ALDH2: variants seen among roughly 807,000 people sequenced by gnomAD.
ALDH2 encodes aldehyde dehydrogenase 2 family member, also known as aldehyde dehydrogenase, mitochondrial.
Under a neutral mutation model 59.6 loss-of-function variants are expected in ALDH2, and 44 were observed. That is an observed-to-expected ratio of 0.74 (90% CI 0.58 to 0.95). ALDH2 has a LOEUF of 0.95. ALDH2 is among the 40% of genes least tolerant of loss of function. ALDH2 has a pLI of 0.00. For synonymous variants in ALDH2, 291 were observed against 284.0 expected, an observed-to-expected ratio of 1.02 and a Z score of -0.25; for missense variants, 570 against 696.3, an observed-to-expected ratio of 0.82 and a Z score of 2.04.
Position 111,792,149 on chromosome 12 carries a change from T to C in ALDH2, c.884T>C (p.Met295Thr). The C allele has an allele frequency of 6.2e-7, 1 of 1,604,422 alleles. No individual in the cohort carries two copies. The highest frequency in any genetic ancestry group is 8.5e-7 in the Non-Finnish European group (1 of 1,177,524). ...GGGGGGAAGAGCCCCAACATCATCA[T>C]GTCAGATGCCGATAGTGAGTTTCCA... ...ELGGKSPNII[M>T]SDADMDWAVE... The change falls in exon 8 of 13, where the codon ATG becomes ACG. Residue 295 changes from methionine (M) to threonine (T), a missense_variant. Coordinates refer to ENST00000261733, the MANE Select transcript of ALDH2 (RefSeq NM_000690.4).
At position 111,813,783 on chromosome 12, in the gene ALDH2, T is replaced by C. The variant is rs1254580480; in HGVS notation, c.*4208T>C. On this transcript the variant is annotated 3_prime_UTR_variant, in exon 13 of 13. Transcript: ENST00000261733. ...CAGGCAAATCTATATAGAGAGAAGGTCGATTGCTGGGGGCCCTGGGAAGGG... is the reference window on the plus strand; with the variant it reads ...CAGGCAAATCTATATAGAGAGAAGGCCGATTGCTGGGGGCCCTGGGAAGGG... The C allele has an allele frequency of 1.3e-5, 2 of 152,048 alleles. No homozygotes were observed. Among genetic ancestry groups the C allele is most frequent in the East Asian group, 3.9e-4 (2 of 5,194 alleles). 9.4% of individuals were successfully genotyped at this position (152,048 alleles called of 1,614,324 possible).
chr12:111,802,680 A>G (rs1408872349), intron 11 of ALDH2, among the ~76,000 whole-genome samples: 1 of 151,274 alleles, frequency 6.6e-6, no homozygotes, highest in East Asian at 2.0e-4. Context: ...GAAGATCAAG[A>G]CCATCCTGGC....
At chr12:111,799,806 G>T in intron 10 of ALDH2, 100 bp from the exon 11 acceptor site, 1 of 1,388,002 alleles carries the variant, frequency 7.2e-7, no homozygotes, top group South Asian at 1.4e-5. Flanking sequence ...ATGGCTGGGG[G>T]CTTATCCCCC....
At chr12:111,787,702 C>G (rs968636350) in intron 4 of ALDH2, among the ~76,000 whole-genome samples, 3 of 152,036 alleles carry the variant, frequency 2.0e-5, no homozygotes, top group African/African-American at 7.2e-5. Context: ...TCGAGACCAG[C>G]CTGGCCAACA....
At chr12:111,773,432 T>C (rs2068215731) in intron 1 of ALDH2, among the ~76,000 whole-genome samples, 1 of 152,234 alleles carries the variant, frequency 6.6e-6, no homozygotes, top group African/African-American at 2.4e-5. Context: ...ATGTATTCCC[T>C]GCTCCAGTAA....
intron 11 of ALDH2, among the ~76,000 whole-genome samples, chr12:111,801,432 C>T (rs1040735969): frequency 6.6e-6 from 1 of 152,144 alleles, no homozygotes; most frequent in African/African-American, 2.4e-5. Context: ...GGTGCGGTGG[C>T]TCATGCCTGT....
intron 1 of ALDH2, among the ~76,000 whole-genome samples, chr12:111,774,150 A>T (rs557808902): frequency 6.6e-6 from 1 of 152,250 alleles, no homozygotes; most frequent in African/African-American, 2.4e-5. Flanking sequence ...GAAGTGGTGA[A>T]AAAAGGCCCT....
intron 4 of ALDH2, among the ~76,000 whole-genome samples, chr12:111,789,017 CTT>C (rs1224537015): frequency 8.8e-5 from 11 of 125,160 alleles, no homozygotes; most frequent in African/African-American, 1.5e-4. Context: ...TCTTTCTTTT[CTT>C]TTTTTTTTTT....
intron 5 of ALDH2, 86 bp downstream of exon 5, chr12:111,790,020 T>A: frequency 7.5e-7 from 1 of 1,326,322 alleles, no homozygotes; most frequent in East Asian, 2.4e-5. Flanking sequence ...TGGGGTGGTG[T>A]CGGAAGGCAG....
rs2068544806 is a variant in ALDH2, at chr12:111,812,808, G to GT, written c.*3234dup. On this transcript the variant is annotated 3_prime_UTR_variant, in exon 13 of 13. Transcript: ENST00000261733. ...TGGGAGGATCACTTGAGCCCAGGAG[G>GT]TCAAGGCTGCAGTGAGCTGTGATTG... 6.6e-6 allele frequency: 1 copy of GT among 152,264 alleles called. No individual in the cohort carries two copies. The highest frequency in any genetic ancestry group is 2.1e-4 in the South Asian group (1 of 4,834). 9.4% of individuals were successfully genotyped at this position (152,264 alleles called of 1,614,324 possible). A position where few individuals can be genotyped will look rare whatever the true frequency, so the allele number is the denominator to read the frequency against.
chr12:111,791,042 C>T (rs1428693961), intron 6 of ALDH2, among the ~76,000 whole-genome samples: 1 of 152,014 alleles, frequency 6.6e-6, no homozygotes, highest in African/African-American at 2.4e-5. Flanking sequence ...GAGAGAGACT[C>T]GGTCTCAAAA....
chr12:111,799,762 G>A (rs1344937706), intron 10 of ALDH2, 144 bp from the exon 11 acceptor site: 16 of 998,294 alleles, frequency 1.6e-5, no homozygotes, highest in Non-Finnish European at 2.1e-5. Flanking sequence ...TGCTGAGCTT[G>A]ATGGCTGTTG....
chr12:111,779,672 G>A (rs895226922), intron 1 of ALDH2, among the ~76,000 whole-genome samples: 1 of 152,200 alleles, frequency 6.6e-6, no homozygotes, highest in African/African-American at 2.4e-5. Context: ...TGGGGCCAAA[G>A]GGACCCCCAA....
Position 111,800,034 on chromosome 12 carries a change from G to C in ALDH2, c.1377G>C (p.Leu459=). ...FTKDLDKANY[L]SQALQAGTVW... ...AGGATTTGGACAAGGCCAATTACCT[G>C]TCCCAGGCCCTCCAGGCGGGCACTG... is the stretch of plus-strand genomic sequence containing the variant. Residue 459 remains leucine (L), a synonymous_variant, in exon 11 of 13, where the codon CTG becomes CTC. Coordinates refer to ENST00000261733, the MANE Select transcript of ALDH2 (RefSeq NM_000690.4). 1 of 1,613,382 alleles carries C rather than the reference G, an allele frequency of 6.2e-7. No individual in the cohort carries two copies. The highest frequency in any genetic ancestry group is 1.3e-5 in the African/African-American group (1 of 75,058).
In ALDH2 at chr12:111,799,981, T is replaced by TGAAG. The variant is rs2068437251; in HGVS notation, c.1324_1325insGAAG (p.Tyr442Ter). On this transcript the variant is annotated stop_gained and frameshift_variant, in exon 11 of 13. Coordinates refer to ENST00000261733, the MANE Select transcript of ALDH2 (RefSeq NM_000690.4). LOFTEE classifies it high-confidence loss of function. ...TGTTGGGAGAGCCAACAATTCCACG[T>TGAAG]ACGGGCTGGCCGCAGCTGTCTTCAC... 4 of 1,613,956 alleles carry TGAAG rather than the reference T, an allele frequency of 2.5e-6. No homozygotes were observed. The highest frequency in any genetic ancestry group is 3.4e-6 in the Non-Finnish European group (4 of 1,180,018).
intron 9 of ALDH2, among the ~76,000 whole-genome samples, chr12:111,793,649 G>T (rs1159359417): frequency 6.6e-6 from 1 of 151,554 alleles, no homozygotes; most frequent in Non-Finnish European, 1.5e-5. Flanking sequence ...AGGCTGCAGT[G>T]CAGTGGCACG....
rs75162023 is a variant in ALDH2 at position 111,768,255 on chromosome 12, C to T, written c.114+1159C>T. 2.6e-3 allele frequency among the ~76,000 whole-genome samples: 402 copies of T among 152,220 alleles called. 8 individuals carry two copies. The East Asian group carries it at 0.058, about 22-fold the overall frequency. ...CTCTGGGTGGGAACAAAGGGACCAC[C>T]GATCCTCTGGGACTATTGCTGATTT... On this transcript the variant is annotated intron_variant, in intron 1 of 12. Coordinates refer to ENST00000261733, the MANE Select transcript of ALDH2 (RefSeq NM_000690.4).
Position 111,813,602 on chromosome 12 carries a change from T to A in ALDH2, c.*4027T>A, listed in dbSNP as rs2068551172. On this transcript the variant is annotated 3_prime_UTR_variant, in exon 13 of 13. Transcript: ENST00000261733. ...ATGAATGGACAGACAAAATGTGACATATCCATGCAGTGGAATATTATTTAG... is the reference window on the plus strand; with the variant it reads ...ATGAATGGACAGACAAAATGTGACAAATCCATGCAGTGGAATATTATTTAG... 6.6e-6 allele frequency: 1 copy of A among 152,206 alleles called. No homozygotes were observed. The highest frequency in any genetic ancestry group is 6.5e-5 in the Admixed American group (1 of 15,278). The allele number at this position is 152,206 out of a possible 1,614,324, so 9.4% of individuals were successfully genotyped here.
At chr12:111,789,629 G>T (rs1190165709) in intron 4 of ALDH2, among the ~76,000 whole-genome samples, 194 bp from the exon 5 acceptor site, 1 of 152,178 alleles carries the variant, frequency 6.6e-6, no homozygotes, top group Non-Finnish European at 1.5e-5. Flanking sequence ...AGGCGATTCT[G>T]AGGCTTGGGG....
Sources: gnomAD v4.1 joint callset for allele counts (sites outside exome capture counted in the v4.1 genomes callset) on GRCh38, gnomAD v4.1.1 for gene constraint, MANE v1.5 for transcripts, NCBI Gene and HGNC (gene_info 2026-07-23, HGNC 2026-07-21) for gene names.